The following NOSTRIN variants were observed in gnomAD, a reference collection of about 807,000 sequenced individuals.
NOSTRIN encodes nitric oxide synthase trafficking.
Under a neutral mutation model 59.0 loss-of-function variants are expected in NOSTRIN, and 63 were observed. That is an observed-to-expected ratio of 1.07 (90% confidence interval 0.87 to 1.32). The LOEUF (loss-of-function observed/expected upper bound fraction) is 1.32. Among genes scored for constraint, NOSTRIN ranks in the 40% most tolerant of loss-of-function variants. NOSTRIN has a pLI of 0.00. For missense variants in NOSTRIN, 512 were observed against 473.1 expected (o/e 1.08, Z -0.76); for synonymous variants, 200 against 165.4 (o/e 1.21, Z -1.61).
intron 12 of NOSTRIN, among the ~76,000 whole-genome samples, chr2:168,858,196 T>C (rs1367876236): frequency 6.6e-6 from 1 of 152,228 alleles, no homozygotes; most frequent in Non-Finnish European, 1.5e-5. Context: ...CTGGGTCCTC[T>C]CACCTGAAGC....
Position 168,843,210 on chromosome 2 carries a change from T to A in NOSTRIN, c.630+93T>A, listed in dbSNP as rs1688204598. On this transcript the variant is annotated intron_variant, in intron 8 of 15. Coordinates refer to ENST00000317647, the MANE Select transcript of NOSTRIN (RefSeq NM_001039724.4). ...GATTACAGTGACAAGACCTGCCCTC[T>A]GTCTTAGCTATGAGCATCACACATA... 9.5e-6 allele frequency: 7 copies of A among 740,244 alleles called. No homozygotes were observed. The East Asian group carries it at 1.5e-4, about 16-fold the overall frequency. The allele number at this position is 740,244 out of a possible 1,614,324, so 45.9% of individuals were successfully genotyped here. A position where few individuals can be genotyped will look rare whatever the true frequency, so the allele number is the denominator to read the frequency against.
At chr2:168,801,016 A>G (rs2105511205), upstream of NOSTRIN, 1 of 151,792 alleles carries the variant, frequency 6.6e-6, no homozygotes, top group East Asian at 2.0e-4. Flanking sequence ...AAGTGCTAAG[A>G]TTACAGGTGT....
chr2:168,862,963 T>C (rs1689561423), intron 15 of NOSTRIN, among the ~76,000 whole-genome samples: 1 of 152,214 alleles, frequency 6.6e-6, no homozygotes, highest in African/African-American at 2.4e-5. Context: ...TTATTGGGTG[T>C]TTCCTTTGCA....
chr2:168,787,561 C>T (rs1240798163), intron 1 of NOSTRIN, among the ~76,000 whole-genome samples: 2 of 152,234 alleles, frequency 1.3e-5, no homozygotes, highest in African/African-American at 2.4e-5. Flanking sequence ...GCCTTCCCCA[C>T]TGGACTCAAT....
intron 10 of NOSTRIN, among the ~76,000 whole-genome samples, chr2:168,853,068 G>C (rs1025586675): frequency 6.6e-6 from 1 of 152,200 alleles, no homozygotes; most frequent in East Asian, 1.9e-4. Flanking sequence ...CTACCAAAGT[G>C]TAAGGAGGCA....
At chr2:168,863,564 T>G in intron 15 of NOSTRIN, 1 of 985,292 alleles carries the variant, frequency 1.0e-6, no homozygotes. Context: ...ATTTGAATCA[T>G]TGCTTTAAAA....
At chr2:168,823,488 A>G (rs1334518865) in intron 2 of NOSTRIN, among the ~76,000 whole-genome samples, 1 of 152,154 alleles carries the variant, frequency 6.6e-6, no homozygotes, top group East Asian at 1.9e-4. Context: ...ATTTGCTGGC[A>G]ATCTTTGGCA....
chr2:168,846,010 C>G (rs1688398877), intron 8 of NOSTRIN, among the ~76,000 whole-genome samples: 1 of 152,168 alleles, frequency 6.6e-6, no homozygotes, highest in African/African-American at 2.4e-5. Context: ...AGAGCCATCT[C>G]AAGCCCATTA....
At chr2:168,846,950 A>G (rs1559133507) in intron 8 of NOSTRIN, among the ~76,000 whole-genome samples, 1 of 152,214 alleles carries the variant, frequency 6.6e-6, no homozygotes, top group African/African-American at 2.4e-5. Flanking sequence ...CTGTTGAAAA[A>G]GGTAATTTCC....
chr2:168,836,497 G>C (rs1024605076), intron 7 of NOSTRIN, among the ~76,000 whole-genome samples: 2 of 152,098 alleles, frequency 1.3e-5, no homozygotes, highest in Non-Finnish European at 2.9e-5. Flanking sequence ...ACACCCAAGC[G>C]GGGGGCATTC....
At chr2:168,863,712 C>T (rs1431890329) in intron 15 of NOSTRIN, 1 of 915,026 alleles carries the variant, frequency 1.1e-6, no homozygotes, top group East Asian at 1.2e-4. Flanking sequence ...AGGGATAATG[C>T]AGAGACATTG....
At chr2:168,838,023 C>T (rs1298248631) in intron 7 of NOSTRIN, among the ~76,000 whole-genome samples, 1 of 152,142 alleles carries the variant, frequency 6.6e-6, no homozygotes, top group Non-Finnish European at 1.5e-5. Context: ...GTGTCTGATA[C>T]AGTACTCTTG....
intron 5 of NOSTRIN, among the ~76,000 whole-genome samples, chr2:168,829,736 C>T (rs1166956798): frequency 6.6e-6 from 1 of 152,196 alleles, no homozygotes; most frequent in Non-Finnish European, 1.5e-5. Context: ...CACTGCTTGG[C>T]TCTGATAGGG....
chr2:168,863,496 T>G (rs1689614368), intron 15 of NOSTRIN: 1 of 985,420 alleles, frequency 1.0e-6, no homozygotes, highest in Non-Finnish European at 1.2e-6. Flanking sequence ...GGGGCAGATC[T>G]TTCTACTTTT....
intron 5 of NOSTRIN, among the ~76,000 whole-genome samples, chr2:168,830,269 T>C (rs564110021): frequency 6.6e-6 from 1 of 152,352 alleles, no homozygotes; most frequent in African/African-American, 2.4e-5. Context: ...AGTTAATGGA[T>C]GTCATGAGCA....
At chr2:168,834,507 G>GCGCGCGCGCGCGCACACACACA (rs756381301) in intron 7 of NOSTRIN, among the ~76,000 whole-genome samples, 182 bp downstream of exon 7, 5 of 125,340 alleles carry the variant, frequency 4.0e-5, no homozygotes, top group African/African-American at 6.1e-5. Flanking sequence ...GCGCGCGCGC[G>GCGCGCGCGCGCGCACACACACA]CACACACACA....
intron 15 of NOSTRIN, 58 bp from the exon 16 acceptor site, chr2:168,864,776 C>A (rs990196601): frequency 1.3e-5 from 21 of 1,588,164 alleles, no homozygotes; most frequent in Non-Finnish European, 1.8e-5. Context: ...TCTTATCAAT[C>A]GGGCTGAGGC....
rs1284483988 is a variant in NOSTRIN, at chr2:168,860,779, TA to T, written c.1180-15del. On this transcript the variant is annotated splice_polypyrimidine_tract_variant and intron_variant, in intron 13 of 15. Coordinates refer to ENST00000317647, the MANE Select transcript of NOSTRIN (RefSeq NM_001039724.4). ...AATCGTGTTACAAAATATGACTTTT[TA>T]TGTCATTTGAACAGGAGCATACTCA... 2 of 1,463,306 alleles carry T rather than the reference TA, an allele frequency of 1.4e-6. No individual in the cohort carries two copies. Among genetic ancestry groups the T allele is most frequent in the South Asian group, 2.3e-5 (2 of 86,934 alleles). The allele number at this position is 1,463,306 out of a possible 1,614,324, so 90.6% of individuals were successfully genotyped here.
chr2:168,834,515 A>ACG (rs1553527277), intron 7 of NOSTRIN, among the ~76,000 whole-genome samples, 190 bp downstream of exon 7: 7 of 144,930 alleles, frequency 4.8e-5, no homozygotes, highest in African/African-American at 1.5e-4. Context: ...GCGCACACAC[A>ACG]CACACACACA....
Sources: allele counts gnomAD v4.1 joint callset (sites outside exome capture counted in the v4.1 genomes callset), GRCh38; gene constraint gnomAD v4.1.1; transcripts MANE v1.5; gene names NCBI Gene and HGNC (gene_info 2026-07-23, HGNC 2026-07-21).